The following CA8 variants were observed in gnomAD, a reference collection of about 807,000 sequenced individuals.
CA8 encodes the protein carbonic anhydrase-related protein.
CA8 carries 22 observed loss-of-function variants against 41.4 expected under a neutral mutation model. That is an observed-to-expected ratio of 0.53 (90% CI 0.38 to 0.76). The LOEUF is 0.76. Ranked by LOEUF, CA8 falls within the 30% of genes least tolerant of loss-of-function variation. The pLI, the probability that CA8 is intolerant of heterozygous loss-of-function variation, is 0.00. For synonymous variants in CA8, 121 were observed against 130.6 expected, an observed-to-expected ratio of 0.93 and a Z score of 0.50; for missense variants, 270 against 352.8, an observed-to-expected ratio of 0.77 and a Z score of 1.88.
intron 3 of CA8, among the ~76,000 whole-genome samples, chr8:60,247,403 C>T (rs1585901121): frequency 6.6e-6 from 1 of 152,158 alleles, no homozygotes; most frequent in African/African-American, 2.4e-5. Context: ...CTCTCCCTCC[C>T]CTTCCGCTCC....
chr8:60,246,627 A>T lies in CA8; in HGVS notation c.418-14248T>A, dbSNP rs57427521. Among the ~76,000 whole-genome samples the T allele has an allele frequency of 3.6e-3, 548 of 152,264 alleles. 3 individuals are homozygous for T. Among genetic ancestry groups the T allele is most frequent in the African/African-American group, 0.013 (529 of 41,530 alleles). The stretch of plus-strand genomic sequence containing the variant: ...ATTTGTGATAGAAATAATATCAATT[A>T]AAAAACTTTATTTGTATATGTATAT... On this transcript the variant is annotated intron_variant, in intron 3 of 8. Coordinates refer to ENST00000317995, the MANE Select transcript of CA8 (RefSeq NM_004056.6).
chr8:60,246,693 T>C (rs1292418464), intron 3 of CA8, among the ~76,000 whole-genome samples: 2 of 152,140 alleles, frequency 1.3e-5, no homozygotes, highest in African/African-American at 4.8e-5. Context: ...CCAAGGACTA[T>C]CTTTGCTGTA....
chr8:60,260,036 T>C (rs1429950590), intron 3 of CA8, among the ~76,000 whole-genome samples: 6 of 152,192 alleles, frequency 3.9e-5, no homozygotes, highest in African/African-American at 1.4e-4. Flanking sequence ...ACCTTTCTTT[T>C]TACTCCCAAA....
chr8:60,279,580 T>C (rs1411631085), intron 2 of CA8, 109 bp downstream of exon 2: 3 of 937,300 alleles, frequency 3.2e-6, no homozygotes, highest in African/African-American at 3.3e-5. Flanking sequence ...ATCCTGAAAA[T>C]AGAGATACGT....
Position 60,281,273 on chromosome 8 carries a change from C to T in CA8, c.-126G>A, listed in dbSNP as rs1392381541. 2.9e-6 allele frequency: 2 copies of T among 685,838 alleles called. No individual in the cohort carries two copies. The highest frequency in any genetic ancestry group is 5.5e-5 in the East Asian group (2 of 36,678). 42.5% of individuals were successfully genotyped at this position (685,838 alleles called of 1,614,324 possible). ...GCACGCGTGAGCGGCAGTGTGAGTG[C>T]GAGAGCGCCTCCGGGTGTGAACCGC... On this transcript the variant is annotated 5_prime_UTR_variant, in exon 1 of 9. Coordinates refer to ENST00000317995, the MANE Select transcript of CA8 (RefSeq NM_004056.6).
intron 2 of CA8, among the ~76,000 whole-genome samples, chr8:60,272,829 A>G (rs1355125876): frequency 2.6e-5 from 4 of 152,250 alleles, no homozygotes; most frequent in African/African-American, 9.6e-5. Context: ...TGAAACAAAG[A>G]TTGCCAACCT....
At chr8:60,200,928 T>C (rs1429793382) in intron 8 of CA8, among the ~76,000 whole-genome samples, 1 of 152,180 alleles carries the variant, frequency 6.6e-6, no homozygotes, top group African/African-American at 2.4e-5. Flanking sequence ...TTGTATTTAA[T>C]CTTGCCATAA....
At chr8:60,276,876 T>C (rs549692742) in intron 2 of CA8, among the ~76,000 whole-genome samples, 1 of 152,274 alleles carries the variant, frequency 6.6e-6, no homozygotes, top group Admixed American at 6.5e-5. Flanking sequence ...CCCAGCACTT[T>C]GGGAGGCCGA....
chr8:60,228,876 A>C (rs1183270454), intron 4 of CA8, among the ~76,000 whole-genome samples: 2 of 152,206 alleles, frequency 1.3e-5, no homozygotes, highest in African/African-American at 2.4e-5. Flanking sequence ...CAAATTCTAT[A>C]AACTCTGCTA....
rs1339653895 is a variant in CA8 at position 60,187,029 on chromosome 8, A to G, written c.*2992T>C. 6.6e-6 allele frequency among the ~76,000 whole-genome samples: 1 copy of G among 152,132 alleles called. No homozygotes were observed. The highest frequency in any genetic ancestry group is 1.5e-5 in the Non-Finnish European group (1 of 67,968). On this transcript the variant is annotated 3_prime_UTR_variant, in exon 9 of 9. Transcript: ENST00000317995. ...GAACACAGCATCCAACAACAGTACA[A>G]TACATACTCTTAAGTACACATGGAT...
chr8:60,279,660 A>C (rs754709169), intron 2 of CA8, 29 bp downstream of exon 2: 22 of 1,593,874 alleles, frequency 1.4e-5, no homozygotes, highest in Non-Finnish European at 1.2e-5. Flanking sequence ...CTAGTTTAAA[A>C]GACCACACAA....
At chr8:60,195,758 G>T (rs1179594220) in intron 8 of CA8, among the ~76,000 whole-genome samples, 3 of 152,052 alleles carry the variant, frequency 2.0e-5, no homozygotes, top group Non-Finnish European at 2.9e-5. Context: ...CTAGAATACT[G>T]CCATACACCA....
At chr8:60,203,805 T>G (rs1214806507) in intron 8 of CA8, among the ~76,000 whole-genome samples, 2 of 152,214 alleles carry the variant, frequency 1.3e-5, no homozygotes, top group African/African-American at 2.4e-5. Context: ...GGAGACTTAC[T>G]AACAAAACCT....
chr8:60,274,115 G>A (rs751110660), intron 2 of CA8, among the ~76,000 whole-genome samples: 1 of 151,868 alleles, frequency 6.6e-6, no homozygotes, highest in Non-Finnish European at 1.5e-5. Context: ...GTGGTGTGAA[G>A]TCAGCTTTAA....
chr8:60,276,810 A>G (rs966826686), intron 2 of CA8, among the ~76,000 whole-genome samples: 3 of 152,166 alleles, frequency 2.0e-5, no homozygotes, highest in African/African-American at 7.2e-5. Flanking sequence ...AAATCATAAG[A>G]AAGAGGGCAA....
intron 3 of CA8, among the ~76,000 whole-genome samples, chr8:60,249,241 T>C (rs1808358128): frequency 6.6e-6 from 1 of 152,192 alleles, no homozygotes; most frequent in African/African-American, 2.4e-5. Flanking sequence ...AAAGCTAAAA[T>C]GCTGAAATAG....
At chr8:60,276,021 G>A (rs545791669) in intron 2 of CA8, among the ~76,000 whole-genome samples, 1 of 152,286 alleles carries the variant, frequency 6.6e-6, no homozygotes, top group South Asian at 2.1e-4. Flanking sequence ...GTATAATAAA[G>A]ACACTTACAG....
intron 3 of CA8, among the ~76,000 whole-genome samples, chr8:60,235,473 C>T (rs552380644): frequency 6.6e-6 from 1 of 152,340 alleles, no homozygotes; most frequent in South Asian, 2.1e-4. Flanking sequence ...CAATTCTGCC[C>T]ATGACACCAG....
chr8:60,242,180 C>A (rs1373762029), intron 3 of CA8, among the ~76,000 whole-genome samples: 1 of 152,146 alleles, frequency 6.6e-6, no homozygotes, highest in Non-Finnish European at 1.5e-5. Context: ...AGTGCACAAT[C>A]GAAATGTTAA....
Sources: allele counts gnomAD v4.1 joint callset (sites outside exome capture counted in the v4.1 genomes callset), GRCh38; gene constraint gnomAD v4.1.1; transcripts MANE v1.5; gene names NCBI Gene and HGNC (gene_info 2026-07-23, HGNC 2026-07-21).